The following MYPN variants were observed in gnomAD, a reference collection of about 807,000 sequenced individuals.
MYPN encodes myopalladin, also known as sarcomeric protein myopalladin, 145 kDa (MYOP).
Under a neutral mutation model 129.4 loss-of-function variants are expected in MYPN, and 63 were observed. The ratio of observed to expected loss-of-function variants is 0.49; its 90% CI spans 0.40 to 0.60. MYPN has a LOEUF of 0.60. Among genes scored for constraint, MYPN ranks in the 20% least tolerant of loss-of-function variants. The pLI, the probability that MYPN is intolerant of heterozygous loss-of-function variation, is 0.00. For synonymous variants in MYPN, 629 were observed against 600.9 expected (o/e 1.05, Z -0.68); for missense variants, 1,596 against 1,635.4 (o/e 0.98, Z 0.42).
chr10:68,141,904 A>G (rs1400004792), intron 2 of MYPN, among the ~76,000 whole-genome samples: 1 of 152,224 alleles, frequency 6.6e-6, no homozygotes, highest in Non-Finnish European at 1.5e-5. Context: ...ATGTCAGTAC[A>G]TAGTGATCAT....
chr10:68,153,595 G>T (rs1413718175), intron 6 of MYPN, among the ~76,000 whole-genome samples: 1 of 152,130 alleles, frequency 6.6e-6, no homozygotes, highest in Non-Finnish European at 1.5e-5. Flanking sequence ...GTTAAGGATT[G>T]TTCAGGCATT....
intron 18 of MYPN, among the ~76,000 whole-genome samples, chr10:68,205,526 A>G (rs1204218588): frequency 1.3e-5 from 2 of 151,858 alleles, no homozygotes; most frequent in African/African-American, 4.8e-5. Flanking sequence ...CAAAAAAAAA[A>G]AAAAAGAAAA....
In MYPN at chr10:68,211,751, C is replaced by T; in HGVS notation, c.*1296C>T. 1 of 454,048 alleles carries T rather than the reference C, an allele frequency of 2.2e-6. No individual in the cohort carries two copies. Among genetic ancestry groups the T allele is most frequent in the Non-Finnish European group, 4.4e-6 (1 of 226,790 alleles). The allele number at this position is 454,048 out of a possible 1,614,324, so 28.1% of individuals were successfully genotyped here. On this transcript the variant is annotated 3_prime_UTR_variant, in exon 20 of 20. Transcript: ENST00000358913. ...TAAGATAACCTAATCTTATATTCTG[C>T]AGGAATATGCCACCCACACACCAGT...
intron 1 of MYPN, among the ~76,000 whole-genome samples, chr10:68,111,411 A>G (rs1267364870): frequency 6.6e-6 from 1 of 152,138 alleles, no homozygotes; most frequent in Non-Finnish European, 1.5e-5. Flanking sequence ...TTTCATTCAC[A>G]TTGAGATTTG....
chr10:68,097,486 T>A (rs1338695686), intron 1 of MYPN, among the ~76,000 whole-genome samples: 1 of 152,210 alleles, frequency 6.6e-6, no homozygotes, highest in African/African-American at 2.4e-5. Flanking sequence ...AATAAATATA[T>A]TTTTATAATA....
rs1301137831 is a variant in MYPN, at chr10:68,206,745, AG to A, written c.3660-23del. The stretch of plus-strand genomic sequence containing the variant: ...GCATTTCTGCCCCCCGATAAAATAT[AG>A]GTATATTCTCTCTTTTTCTCCAGTA... On this transcript the variant is annotated intron_variant, in intron 18 of 19. Coordinates refer to ENST00000358913, the MANE Select transcript of MYPN (RefSeq NM_032578.4). 3 of 1,613,844 alleles carry A rather than the reference AG, an allele frequency of 1.9e-6. No homozygotes were observed. The African/African-American group carries it at 4.0e-5, about 22-fold the overall frequency.
chr10:68,093,639 C>A (rs903019646), intron 1 of MYPN, among the ~76,000 whole-genome samples: 2 of 150,570 alleles, frequency 1.3e-5, no homozygotes, highest in African/African-American at 4.9e-5. Context: ...TGCCTGTAGT[C>A]CCAGCTACTC....
intron 5 of MYPN, 46 bp downstream of exon 5, chr10:68,148,513 C>T (rs757452511): frequency 6.8e-7 from 1 of 1,478,440 alleles, no homozygotes; most frequent in Admixed American, 1.7e-5. Context: ...CTGTGACAGA[C>T]AGTCATGGTG....
intron 18 of MYPN, among the ~76,000 whole-genome samples, chr10:68,202,661 C>T (rs1450696871): frequency 6.6e-6 from 1 of 152,150 alleles, no homozygotes; most frequent in Non-Finnish European, 1.5e-5. Flanking sequence ...TTAATCTTCC[C>T]TAACCAACTT....
chr10:68,191,817 T>C (rs2043518144), intron 13 of MYPN, among the ~76,000 whole-genome samples: 1 of 152,220 alleles, frequency 6.6e-6, no homozygotes, highest in Non-Finnish European at 1.5e-5. Context: ...GAGTGATTGC[T>C]GTTAGTGTAT....
At chr10:68,174,767 T>C in intron 11 of MYPN, 111 bp downstream of exon 11, 1 of 1,004,578 alleles carries the variant, frequency 1.0e-6, no homozygotes. Context: ...TAGATAATCT[T>C]ATTCTCTTAG....
At chr10:68,170,962 A>G (rs1254918364) in intron 10 of MYPN, among the ~76,000 whole-genome samples, 4 of 152,084 alleles carry the variant, frequency 2.6e-5, no homozygotes, top group African/African-American at 9.7e-5. Context: ...TACCCTGGCC[A>G]ACATGGTGAA....
chr10:68,154,567 C>T (rs1053447321), intron 6 of MYPN, among the ~76,000 whole-genome samples: 1 of 152,178 alleles, frequency 6.6e-6, no homozygotes, highest in Non-Finnish European at 1.5e-5. Context: ...AGTCAAGGGG[C>T]AAAAGAGCTT....
chr10:68,092,987 G>C, intron 1 of MYPN, among the ~76,000 whole-genome samples: 1 of 152,136 alleles, frequency 6.6e-6, no homozygotes, highest in East Asian at 1.9e-4. Context: ...TGAATTAACT[G>C]TAATGGGCCC....
At chr10:68,095,436 A>T (rs1015444449) in intron 1 of MYPN, among the ~76,000 whole-genome samples, 1 of 152,034 alleles carries the variant, frequency 6.6e-6, no homozygotes, top group Non-Finnish European at 1.5e-5. Context: ...CATCCTGTGC[A>T]CTGTGGCAAG....
intron 10 of MYPN, among the ~76,000 whole-genome samples, chr10:68,168,999 A>C: frequency 1.0e-5 from 1 of 99,400 alleles, no homozygotes; most frequent in Non-Finnish European, 2.2e-5. Flanking sequence ...CTTAAAAAAA[A>C]AAAAAAAAAA....
At chr10:68,133,021 AT>A (rs35346306) in intron 2 of MYPN, among the ~76,000 whole-genome samples, 12,307 of 116,120 alleles carry the variant, frequency 0.11, 543 homozygotes, top group East Asian at 0.33. Context: ...GTAGACCTCA[AT>A]TTTTTTTTTT....
intron 13 of MYPN, among the ~76,000 whole-genome samples, chr10:68,193,797 G>GCA (rs368376657): frequency 0.089 from 11,291 of 127,334 alleles, 425 homozygotes; most frequent in Middle Eastern, 0.14. Context: ...ATGTGTATGT[G>GCA]CACACACACA....
At chr10:68,092,520 GTT>G (rs1187018316) in intron 1 of MYPN, among the ~76,000 whole-genome samples, 1 of 151,604 alleles carries the variant, frequency 6.6e-6, no homozygotes, top group Non-Finnish European at 1.5e-5. Flanking sequence ...AGAAATGTAT[GTT>G]GTTTCCAGTT....
Sources: allele counts gnomAD v4.1 joint callset (sites outside exome capture counted in the v4.1 genomes callset), GRCh38; gene constraint gnomAD v4.1.1; transcripts MANE v1.5; gene names NCBI Gene and HGNC (gene_info 2026-07-23, HGNC 2026-07-21).